The following CCDC148 variants were observed in gnomAD, a reference collection of about 807,000 sequenced individuals.
CCDC148 encodes coiled-coil domain-containing protein 148.
A neutral mutation model predicts 85.7 loss-of-function variants in CCDC148; 89 were observed. That is an observed-to-expected ratio of 1.04 (90% confidence interval 0.87 to 1.24). CCDC148 has a LOEUF of 1.24. Among genes scored for constraint, CCDC148 ranks in the 50% most tolerant of loss-of-function variants. CCDC148 has a pLI of 0.00. For missense variants in CCDC148, 692 were observed against 671.7 expected (o/e 1.03, Z -0.33); for synonymous variants, 230 against 213.9 (o/e 1.08, Z -0.66).
chr2:158,296,625 T>A (rs1337483625), intron 9 of CCDC148, among the ~76,000 whole-genome samples: 1 of 152,200 alleles, frequency 6.6e-6, no homozygotes, highest in Non-Finnish European at 1.5e-5. Context: ...TTGCAAAACA[T>A]CTTGTGACAT....
chr2:158,378,646 T>C (rs1184874583), intron 1 of CCDC148, among the ~76,000 whole-genome samples: 1 of 152,184 alleles, frequency 6.6e-6, no homozygotes, highest in Non-Finnish European at 1.5e-5. Flanking sequence ...TAGGGTCTAA[T>C]GCAGCTGGTG....
intron 2 of CCDC148, among the ~76,000 whole-genome samples, chr2:158,348,147 A>T (rs1298568373): frequency 1.3e-5 from 2 of 152,106 alleles, no homozygotes; most frequent in Non-Finnish European, 2.9e-5. Flanking sequence ...CTATATTGGC[A>T]AAAGTATAAA....
In CCDC148 at chr2:158,310,933, C is replaced by T. The variant is rs35083276; in HGVS notation, c.904-1294G>A. 5.4e-5 allele frequency among the ~76,000 whole-genome samples: 8 copies of T among 149,188 alleles called. No homozygotes were observed. The East Asian group carries it at 1.0e-3, about 19-fold the overall frequency. On this transcript the variant is annotated intron_variant, in intron 8 of 13. Coordinates refer to ENST00000283233, the MANE Select transcript of CCDC148 (RefSeq NM_138803.4). ...CAGACGATGGGCGGCCGGGCAGAGA[C>T]GCTCCTCACTTCTAGACAGTGTGGC...
At chr2:158,234,564 G>T (rs948911527) in intron 10 of CCDC148, among the ~76,000 whole-genome samples, 2 of 152,072 alleles carry the variant, frequency 1.3e-5, no homozygotes, top group African/African-American at 4.8e-5. Context: ...AGAATTAACA[G>T]GCAGGAATCT....
chr2:158,236,560 T>G (rs931628189), intron 10 of CCDC148, among the ~76,000 whole-genome samples: 5 of 151,904 alleles, frequency 3.3e-5, no homozygotes, highest in African/African-American at 1.2e-4. Flanking sequence ...TCAGAGAGAG[T>G]GAAAAGTGAA....
intron 1 of CCDC148, among the ~76,000 whole-genome samples, chr2:158,450,646 T>G (rs1430020761): frequency 6.6e-6 from 1 of 152,220 alleles, no homozygotes; most frequent in African/African-American, 2.4e-5. Context: ...CTAGTTTGTT[T>G]TGTTTCTAAT....
At chr2:158,279,891 C>T (rs199998166) in intron 9 of CCDC148, among the ~76,000 whole-genome samples, 59,398 of 148,252 alleles carry the variant, frequency 0.4, 12,621 homozygotes, top group South Asian at 0.6. Context: ...GTCGGGTTAC[C>T]GACAAAGGGA....
chr2:158,385,442 A>G (rs1017823524), intron 1 of CCDC148, among the ~76,000 whole-genome samples: 1 of 152,160 alleles, frequency 6.6e-6, no homozygotes, highest in East Asian at 1.9e-4. Flanking sequence ...AGCACTATAC[A>G]TGTATTAACT....
chr2:158,259,663 T>C (rs941389271), intron 9 of CCDC148, among the ~76,000 whole-genome samples: 3 of 151,940 alleles, frequency 2.0e-5, no homozygotes, highest in Non-Finnish European at 4.4e-5. Flanking sequence ...TCAAGTGGCC[T>C]TACAGCTATT....
chr2:158,207,331 G>A (rs1283267398), intron 11 of CCDC148, among the ~76,000 whole-genome samples: 5 of 152,216 alleles, frequency 3.3e-5, no homozygotes, highest in African/African-American at 1.2e-4. Context: ...TTTATAAGAA[G>A]TGATTTTGCT....
intron 10 of CCDC148, among the ~76,000 whole-genome samples, chr2:158,248,716 A>T (rs555543727): frequency 6.6e-5 from 10 of 152,144 alleles, no homozygotes; most frequent in Non-Finnish European, 1.2e-4. Flanking sequence ...TACTACTTTA[A>T]TGCTCATAGG....
chr2:158,413,297 G>A (rs1431143881), intron 1 of CCDC148, among the ~76,000 whole-genome samples: 3 of 151,858 alleles, frequency 2.0e-5, no homozygotes, highest in Non-Finnish European at 4.4e-5. Context: ...TTTTTCTAAT[G>A]TATTACAAAT....
At chr2:158,257,700 C>T (rs1281821166) in intron 9 of CCDC148, among the ~76,000 whole-genome samples, 10 of 151,696 alleles carry the variant, frequency 6.6e-5, no homozygotes, top group Non-Finnish European at 1.3e-4. Flanking sequence ...TTTTATTAGT[C>T]TTACTCAGAT....
chr2:158,400,038 G>C (rs957577299), intron 1 of CCDC148, among the ~76,000 whole-genome samples: 4 of 151,762 alleles, frequency 2.6e-5, no homozygotes, highest in African/African-American at 9.7e-5. Flanking sequence ...CACTGCTCAA[G>C]GAAATAAAAG....
chr2:158,351,033 C>A (rs977200988), intron 2 of CCDC148, among the ~76,000 whole-genome samples: 11 of 152,114 alleles, frequency 7.2e-5, no homozygotes, highest in Non-Finnish European at 1.5e-4. Context: ...CTTGAGATCC[C>A]AATTCCAAAA....
intron 8 of CCDC148, 149 bp downstream of exon 8, chr2:158,313,607 T>A (rs1692140939): frequency 3.3e-6 from 3 of 901,864 alleles, no homozygotes; most frequent in Non-Finnish European, 4.6e-6. Flanking sequence ...TGCACAGGCT[T>A]TCAAACTATT....
At chr2:158,291,864 T>C (rs1023789378) in intron 9 of CCDC148, among the ~76,000 whole-genome samples, 4 of 152,240 alleles carry the variant, frequency 2.6e-5, no homozygotes, top group African/African-American at 7.2e-5. Context: ...ATAATTTTTG[T>C]AATAATCACT....
chr2:158,175,365 G>A (rs988370601), intron 13 of CCDC148, among the ~76,000 whole-genome samples: 1 of 151,828 alleles, frequency 6.6e-6, no homozygotes, highest in African/African-American at 2.4e-5. Context: ...AAATCATCTG[G>A]AGTGGATTTT....
At chr2:158,412,527 G>A (rs1686305221) in intron 1 of CCDC148, among the ~76,000 whole-genome samples, 1 of 152,064 alleles carries the variant, frequency 6.6e-6, no homozygotes, top group African/African-American at 2.4e-5. Context: ...TACTGAATCA[G>A]AATTTAAAAG....
Sources: gnomAD v4.1 joint callset for allele counts (sites outside exome capture counted in the v4.1 genomes callset) on GRCh38, gnomAD v4.1.1 for gene constraint, MANE v1.5 for transcripts, NCBI Gene and HGNC (gene_info 2026-07-23, HGNC 2026-07-21) for gene names.